Variants in DCDC1 observed in about 807,000 individuals in gnomAD.
The protein encoded by DCDC1 is doublecortin domain-containing protein 1.
A neutral mutation model predicts 178.3 loss-of-function variants in DCDC1; 200 were observed. The observed-to-expected ratio is 1.12, with a 90% CI of 1.00 to 1.26. DCDC1 has a LOEUF of 1.26. Ranked by LOEUF, DCDC1 falls within the 50% of genes most tolerant of loss-of-function variation. The pLI is 0.00. For missense variants in DCDC1, 1,983 were observed against 1,749.2 expected, an observed-to-expected ratio of 1.13 and a Z score of -2.38; for synonymous variants, 690 against 604.8, an observed-to-expected ratio of 1.14 and a Z score of -2.07.
chr11:30,995,850 G>A (rs150060906), intron 20 of DCDC1, among the ~76,000 whole-genome samples: 6 of 152,110 alleles, frequency 3.9e-5, no homozygotes, highest in Admixed American at 6.5e-5. Flanking sequence ...TAGGAGTTTG[G>A]CCATGAGATT....
At chr11:31,067,160 C>G (rs921292673) in intron 18 of DCDC1, among the ~76,000 whole-genome samples, 1 of 151,934 alleles carries the variant, frequency 6.6e-6, no homozygotes, top group Non-Finnish European at 1.5e-5. Flanking sequence ...AAAAAACAAC[C>G]TACAGAATGA....
rs1944012741 is a variant in DCDC1, at chr11:30,894,181, A to G, written c.4902+67T>C. On this transcript the variant is annotated intron_variant, in intron 35 of 38. Transcript: ENST00000684477. ...ATTAACAGTATCATTTTAAAATTCA[A>G]TATTGTACTTTTAAATACTCATAAA... The G allele has an allele frequency of 2.6e-6, 4 of 1,556,364 alleles. No homozygotes were observed. The Admixed American group carries it at 5.9e-5, about 23-fold the overall frequency.
At chr11:31,261,501 A>C (rs1944781495) in intron 8 of DCDC1, among the ~76,000 whole-genome samples, 1 of 152,236 alleles carries the variant, frequency 6.6e-6, no homozygotes. Flanking sequence ...AATAATAACA[A>C]TACAGAAATA....
At chr11:30,944,426 C>A in intron 21 of DCDC1, 1 of 438,538 alleles carries the variant, frequency 2.3e-6, no homozygotes, top group Non-Finnish European at 4.6e-6. Context: ...GCTTATAGTA[C>A]CCAAAGTATT....
chr11:31,051,087 C>T (rs556544967), intron 20 of DCDC1, among the ~76,000 whole-genome samples: 2 of 152,032 alleles, frequency 1.3e-5, no homozygotes, highest in African/African-American at 4.8e-5. Flanking sequence ...AAAAATGATA[C>T]ACGAAGTGAA....
intron 20 of DCDC1, among the ~76,000 whole-genome samples, chr11:31,044,898 G>T (rs1954726618): frequency 6.6e-6 from 1 of 152,168 alleles, no homozygotes; most frequent in Non-Finnish European, 1.5e-5. Flanking sequence ...AATACAGGCA[G>T]TTATTGCTAC....
chr11:31,079,333 A>G (rs2135568525), intron 17 of DCDC1, among the ~76,000 whole-genome samples: 1 of 152,330 alleles, frequency 6.6e-6, no homozygotes, highest in South Asian at 2.1e-4. Context: ...TCCTGTCCTC[A>G]GGACACTTCC....
intron 11 of DCDC1, among the ~76,000 whole-genome samples, chr11:31,116,549 T>C (rs1959993318): frequency 6.6e-6 from 1 of 152,002 alleles, no homozygotes; most frequent in Non-Finnish European, 1.5e-5. Context: ...AGAATATCCA[T>C]ATTTTTGACA....
intron 9 of DCDC1, among the ~76,000 whole-genome samples, chr11:31,222,706 C>T (rs1048514477): frequency 4.6e-5 from 7 of 152,052 alleles, no homozygotes; most frequent in African/African-American, 1.2e-4. Context: ...TCTTCTGGCT[C>T]GAAGATGGCT....
intron 20 of DCDC1, among the ~76,000 whole-genome samples, chr11:30,995,108 G>A (rs981354151): frequency 3.3e-5 from 5 of 151,846 alleles, no homozygotes; most frequent in African/African-American, 7.3e-5. Context: ...CTATATACCC[G>A]CAATGAAAGA....
Position 30,900,370 on chromosome 11 carries a change from C to A in DCDC1, c.4639G>T (p.Gly1547Cys). ...RNPIAIWVSC[G>C]EPFLPPNALQ... is the part of the protein sequence containing the mutation. Reference sequence around the variant, plus strand: ...CCATTTGGAGGTAGAAATGGTTCACCACAAGACACCCAGATGGCAATAGGA... The same window carrying A: ...CCATTTGGAGGTAGAAATGGTTCACAACAAGACACCCAGATGGCAATAGGA... The change falls in exon 33 of 39, where the codon GGT becomes TGT. Residue 1547 changes from glycine (G) to cysteine (C), a missense_variant. Transcript: ENST00000684477. 6.4e-7 allele frequency: 1 copy of A among 1,559,340 alleles called. No individual in the cohort carries two copies. Among genetic ancestry groups the A allele is most frequent in the South Asian group, 1.2e-5 (1 of 80,870 alleles).
Position 30,903,579 on chromosome 11 carries a change from C to G in DCDC1, c.4413G>C (p.Trp1471Cys). The G allele has an allele frequency of 6.2e-7, 1 of 1,609,594 alleles. No homozygotes were observed. The highest frequency in any genetic ancestry group is 8.5e-7 in the Non-Finnish European group (1 of 1,177,854). ...TCTGGAGAAAGGATTCATCTAGAGC[C>G]CATAAAACCAAATCACGCAAGGTAA... ...PIFTLRDLVL[W>C]ALDESFLQRD... The change falls in exon 32 of 39, where the codon TGG becomes TGC. Residue 1471 changes from tryptophan to cysteine, a missense_variant. Physicochemically the swap from Trp to Cys is radical, Grantham distance 215. Coordinates refer to ENST00000684477, the MANE Select transcript of DCDC1 (RefSeq NM_001387274.1).
intron 9 of DCDC1, among the ~76,000 whole-genome samples, chr11:31,229,592 A>C (rs1975492563): frequency 6.6e-6 from 1 of 152,140 alleles, no homozygotes; most frequent in Non-Finnish European, 1.5e-5. Context: ...CAGACATGAG[A>C]CCCACAAATT....
chr11:31,162,778 T>A (rs1446954532), intron 9 of DCDC1, among the ~76,000 whole-genome samples: 1 of 152,204 alleles, frequency 6.6e-6, no homozygotes, highest in African/African-American at 2.4e-5. Context: ...ACAAAACAAC[T>A]GCTGCATATC....
intron 9 of DCDC1, among the ~76,000 whole-genome samples, chr11:31,212,075 TCA>T (rs1972604551): frequency 7.4e-6 from 1 of 135,982 alleles, no homozygotes; most frequent in African/African-American, 2.8e-5. Context: ...AGAGCGAGAC[TCA>T]GTCTCAAAAA....
chr11:30,877,977 A>G (rs1942293875), intron 38 of DCDC1, among the ~76,000 whole-genome samples: 1 of 152,120 alleles, frequency 6.6e-6, no homozygotes, highest in South Asian at 2.1e-4. Context: ...TATTTTACAT[A>G]AGCTATTTGA....
intron 28 of DCDC1, among the ~76,000 whole-genome samples, chr11:30,910,455 G>C (rs1261176112): frequency 6.6e-6 from 1 of 152,070 alleles, no homozygotes; most frequent in Admixed American, 6.6e-5. Context: ...TTAAGCTTTG[G>C]TATTTGTCCA....
intron 9 of DCDC1, among the ~76,000 whole-genome samples, chr11:31,211,239 C>A (rs1472740274): frequency 6.6e-6 from 1 of 152,156 alleles, no homozygotes; most frequent in East Asian, 1.9e-4. Context: ...ACCATAAAAT[C>A]TAACAATATG....
intron 1 of DCDC1, among the ~76,000 whole-genome samples, chr11:31,346,225 T>C (rs983657391): frequency 7.9e-5 from 12 of 151,768 alleles, no homozygotes; most frequent in African/African-American, 2.9e-4. Context: ...GACTCAAGAA[T>C]CATAGGAGGG....
Sources: allele counts gnomAD v4.1 joint callset (sites outside exome capture counted in the v4.1 genomes callset), GRCh38; gene constraint gnomAD v4.1.1; transcripts MANE v1.5; gene names NCBI Gene and HGNC (gene_info 2026-07-23, HGNC 2026-07-21).